The following MYO9A variants were observed in gnomAD, a reference collection of about 807,000 sequenced individuals.
MYO9A encodes the protein unconventional myosin-IXa.
MYO9A carries 103 observed loss-of-function variants against 293.3 expected under a neutral mutation model. The observed-to-expected ratio is 0.35, with a 90% CI of 0.30 to 0.41. The LOEUF is 0.41. Among genes scored for constraint, MYO9A ranks in the 10% least tolerant of loss-of-function variants. The probability of loss-of-function intolerance (pLI) is 1.00; values close to 1 mark genes in which losing one functional copy is unlikely to be tolerated. For synonymous variants in MYO9A, 1,001 were observed against 1,035.7 expected (o/e 0.97, Z 0.64); for missense variants, 2,685 against 3,033.0 (o/e 0.89, Z 2.69).
At chr15:72,033,381 T>C (rs111703701) in intron 2 of MYO9A, among the ~76,000 whole-genome samples, 2,416 of 152,276 alleles carry the variant, frequency 0.016, 74 homozygotes, top group African/African-American at 0.055. Context: ...TACTTTATTA[T>C]GCCTATTTAA....
At chr15:71,956,961 T>C (rs1256568921) in intron 14 of MYO9A, among the ~76,000 whole-genome samples, 1 of 151,892 alleles carries the variant, frequency 6.6e-6, no homozygotes, top group Non-Finnish European at 1.5e-5. Flanking sequence ...TAACATGCCA[T>C]GTATGGATAT....
At chr15:71,849,959 T>TTTTATGAACCCATTCACTAA in intron 38 of MYO9A, 77 bp downstream of exon 38, 1 of 1,539,596 alleles carries the variant, frequency 6.5e-7, no homozygotes, top group Non-Finnish European at 8.9e-7. Context: ...CCATTCACTA[T>TTTTATGAACCCATTCACTAA]GTTTGATATC....
chr15:71,861,708 A>C (rs958793280), intron 33 of MYO9A, among the ~76,000 whole-genome samples: 8 of 149,752 alleles, frequency 5.3e-5, no homozygotes, highest in African/African-American at 1.9e-4. Context: ...AAAACAAATA[A>C]GTTTCCTGAC....
intron 8 of MYO9A, among the ~76,000 whole-genome samples, chr15:72,004,827 A>T (rs2076972776): frequency 6.6e-6 from 1 of 152,228 alleles, no homozygotes; most frequent in Non-Finnish European, 1.5e-5. Flanking sequence ...ACAAAAAAAT[A>T]ACTGAAAAGT....
intron 11 of MYO9A, among the ~76,000 whole-genome samples, chr15:71,990,540 G>C (rs2076514285): frequency 6.6e-6 from 1 of 152,064 alleles, no homozygotes; most frequent in Non-Finnish European, 1.5e-5. Context: ...TGGATCACGA[G>C]GTCAGGAGAT....
chr15:72,088,124 T>G (rs998772326), intron 1 of MYO9A, among the ~76,000 whole-genome samples: 3 of 152,190 alleles, frequency 2.0e-5, no homozygotes, highest in African/African-American at 2.4e-5. Flanking sequence ...TGACAACACC[T>G]TGATCTTGGA....
chr15:72,017,210 T>G (rs75504479), intron 6 of MYO9A, among the ~76,000 whole-genome samples: 2 of 151,894 alleles, frequency 1.3e-5, no homozygotes, highest in African/African-American at 4.8e-5. Flanking sequence ...GATAGGGTAT[T>G]GCCTTGTTGC....
At chr15:72,013,448 G>T (rs1232116510) in intron 6 of MYO9A, among the ~76,000 whole-genome samples, 1 of 152,116 alleles carries the variant, frequency 6.6e-6, no homozygotes, top group Non-Finnish European at 1.5e-5. Flanking sequence ...TCAAGGAAAT[G>T]GTAAGGTTCG....
intron 18 of MYO9A, among the ~76,000 whole-genome samples, chr15:71,927,329 T>C (rs1332782202): frequency 6.6e-6 from 1 of 152,228 alleles, no homozygotes; most frequent in African/African-American, 2.4e-5. Context: ...TGTTGATTAG[T>C]TCCTTTGCTG....
intron 18 of MYO9A, among the ~76,000 whole-genome samples, chr15:71,917,661 G>A (rs2058047821): frequency 6.6e-6 from 1 of 152,152 alleles, no homozygotes; most frequent in Non-Finnish European, 1.5e-5. Context: ...GACAGTACAA[G>A]TATTTGGGAG....
At position 71,956,836 on chromosome 15, in the gene MYO9A, TAC is replaced by T. The variant is rs779636198; in HGVS notation, c.2182+3063_2182+3064del. 9.7e-3 allele frequency among the ~76,000 whole-genome samples: 1,266 copies of T among 130,268 alleles called. 25 individuals carry two copies. Among genetic ancestry groups the T allele is most frequent in the African/African-American group, 0.034 (1,186 of 34,670 alleles). The allele number at this position is 130,268 out of a possible 152,430, so 85.5% of individuals were successfully genotyped here. On this transcript the variant is annotated intron_variant, in intron 14 of 41. Coordinates refer to ENST00000356056, the MANE Select transcript of MYO9A (RefSeq NM_006901.4). ...ATATGCTATATATGCTATATATATATACACACACACACACACACACACAAATA... is the reference window on the plus strand; with the variant it reads ...ATATGCTATATATGCTATATATATATACACACACACACACACACACAAATA...
intron 1 of MYO9A, among the ~76,000 whole-genome samples, chr15:72,083,903 A>C (rs2079629864): frequency 6.6e-6 from 1 of 152,070 alleles, no homozygotes; most frequent in Non-Finnish European, 1.5e-5. Context: ...TTGCAGAGAA[A>C]CATGTCGAAT....
chr15:71,871,698 A>AAAAG (rs1232028832), intron 32 of MYO9A, among the ~76,000 whole-genome samples: 1 of 151,542 alleles, frequency 6.6e-6, no homozygotes, highest in Admixed American at 6.6e-5. Flanking sequence ...AGAAAAAAAA[A>AAAAG]AAAGAAAGAA....
At chr15:72,105,656 T>C (rs535227455) in intron 1 of MYO9A, among the ~76,000 whole-genome samples, 1 of 151,894 alleles carries the variant, frequency 6.6e-6, no homozygotes, top group Non-Finnish European at 1.5e-5. Flanking sequence ...TACAGGCATG[T>C]GCCACCACGC....
chr15:72,025,551 T>C (rs2149302010), intron 4 of MYO9A, among the ~76,000 whole-genome samples: 1 of 152,216 alleles, frequency 6.6e-6, no homozygotes, highest in East Asian at 1.9e-4. Flanking sequence ...AGTTTCACCA[T>C]GTTAGCCAGG....
chr15:71,877,988 A>G, intron 31 of MYO9A, 52 bp downstream of exon 31: 1 of 1,455,364 alleles, frequency 6.9e-7, no homozygotes, highest in Admixed American at 2.5e-5. Flanking sequence ...AAACGCTCTT[A>G]AAAAGAATTC....
chr15:71,843,454 A>C (rs1246803515), intron 39 of MYO9A, among the ~76,000 whole-genome samples: 15 of 152,090 alleles, frequency 9.9e-5, no homozygotes, highest in Admixed American at 9.8e-4. Flanking sequence ...ATAAATAAAT[A>C]AATAGATTAG....
chr15:72,081,420 T>C (rs2079541890), intron 1 of MYO9A, among the ~76,000 whole-genome samples: 1 of 152,214 alleles, frequency 6.6e-6, no homozygotes. Context: ...TTTCTTCTTG[T>C]AAATTTAAAT....
At chr15:71,916,201 C>CT (rs879077149) in intron 19 of MYO9A, among the ~76,000 whole-genome samples, 169 bp downstream of exon 19, 96 of 147,004 alleles carry the variant, frequency 6.5e-4, no homozygotes, top group East Asian at 2.7e-3. Context: ...AGGCATCTGA[C>CT]TTTTTTTTTT....
Sources: allele counts gnomAD v4.1 joint callset (sites outside exome capture counted in the v4.1 genomes callset), GRCh38; gene constraint gnomAD v4.1.1; transcripts MANE v1.5; gene names NCBI Gene and HGNC (gene_info 2026-07-23, HGNC 2026-07-21).